SHISA9: variants seen among roughly 807,000 people sequenced by gnomAD.
The protein encoded by SHISA9 is shisa family member 9, also known as protein shisa-9.
Under a neutral mutation model 38.0 loss-of-function variants are expected in SHISA9, and 13 were observed. The ratio of observed to expected loss-of-function variants is 0.34; its 90% CI spans 0.22 to 0.54. SHISA9 has a LOEUF of 0.54. Ranked by LOEUF, SHISA9 falls within the 20% of genes least tolerant of loss-of-function variation. The pLI, the probability that SHISA9 is intolerant of heterozygous loss-of-function variation, is 0.91. For missense variants in SHISA9, 538 were observed against 575.8 expected (o/e 0.93, Z 0.67); for synonymous variants, 275 against 242.0 (o/e 1.14, Z -1.27).
rs375153128 is a variant in SHISA9 at position 13,237,454 on chromosome 16, G to C, written c.*2045G>C. On this transcript the variant is annotated 3_prime_UTR_variant, in exon 5 of 5. Transcript: ENST00000558583. ...GAAGCAGGTGGATCATCTGAGGTCA[G>C]GAGTTTGAGATCAGCCTGGTCAACA... 4 of 152,210 alleles carry C rather than the reference G, an allele frequency of 2.6e-5. No individual in the cohort carries two copies. Among genetic ancestry groups the C allele is most frequent in the African/African-American group, 9.6e-5 (4 of 41,534 alleles). 9.4% of individuals were successfully genotyped at this position (152,210 alleles called of 1,614,324 possible). A position where few individuals can be genotyped will look rare whatever the true frequency, so the allele number is the denominator to read the frequency against.
chr16:13,126,139 C>T (rs1328029930), intron 2 of SHISA9, among the ~76,000 whole-genome samples: 4 of 152,156 alleles, frequency 2.6e-5, no homozygotes, highest in Admixed American at 2.6e-4. Context: ...TGGAGGCTCA[C>T]AAAGATTCGG....
the SHISA9 span, chr16:13,458,840 T>TTTTTGTTTTG: frequency 5.3e-6 from 1 of 187,032 alleles, no homozygotes; most frequent in Non-Finnish European, 1.1e-5. Context: ...TTCTCGGGTT[T>TTTTTGTTTTG]TTTTGTTTTG....
At chr16:13,012,682 G>T (rs1265488167) in intron 2 of SHISA9, among the ~76,000 whole-genome samples, 1 of 152,190 alleles carries the variant, frequency 6.6e-6, no homozygotes, top group Non-Finnish European at 1.5e-5. Context: ...CTTAGTTAGG[G>T]CTGCCTTTAG....
chr16:12,905,507 GT>G (rs2071080612), intron 1 of SHISA9, among the ~76,000 whole-genome samples: 1 of 152,056 alleles, frequency 6.6e-6, no homozygotes, highest in Admixed American at 6.5e-5. Context: ...TTGGTCTTGG[GT>G]TTGGGGATAT....
At chr16:13,249,925 G>T in the SHISA9 span, among the ~76,000 whole-genome samples, 1 of 152,020 alleles carries the variant, frequency 6.6e-6, no homozygotes, top group Non-Finnish European at 1.5e-5. Flanking sequence ...GTAGAGCCAG[G>T]GTTTTGCTAT....
chr16:13,023,624 A>T (rs1489435835), intron 2 of SHISA9, among the ~76,000 whole-genome samples: 1 of 152,204 alleles, frequency 6.6e-6, no homozygotes, highest in Non-Finnish European at 1.5e-5. Context: ...GAACTAATTT[A>T]CACTCCCATC....
chr16:13,018,296 G>A (rs553624782), intron 2 of SHISA9, among the ~76,000 whole-genome samples: 1 of 152,308 alleles, frequency 6.6e-6, no homozygotes, highest in East Asian at 1.9e-4. Flanking sequence ...TAGCAAGAGG[G>A]ATCTGGCCTC....
At chr16:13,556,885 GA>G in the SHISA9 span, among the ~76,000 whole-genome samples, 1 of 152,156 alleles carries the variant, frequency 6.6e-6, no homozygotes, top group Non-Finnish European at 1.5e-5. Flanking sequence ...ATCTAGAGAT[GA>G]TTTAAAGTAT....
At chr16:13,057,729 G>A (rs1263243140) in intron 2 of SHISA9, among the ~76,000 whole-genome samples, 1 of 152,164 alleles carries the variant, frequency 6.6e-6, no homozygotes, top group Non-Finnish European at 1.5e-5. Flanking sequence ...GTGCCATGGT[G>A]GTTTGCTGCA....
chr16:13,382,728 G>A, the SHISA9 span, among the ~76,000 whole-genome samples: 3 of 151,292 alleles, frequency 2.0e-5, no homozygotes, highest in Non-Finnish European at 4.4e-5. Context: ...TGTTGTGGCA[G>A]GCGCCTGTAA....
the SHISA9 span, among the ~76,000 whole-genome samples, chr16:13,401,020 A>G: frequency 6.6e-6 from 1 of 152,150 alleles, no homozygotes; most frequent in Non-Finnish European, 1.5e-5. Context: ...CTGGGCCCTT[A>G]GGGAGTGTGC....
chr16:13,303,523 G>T, the SHISA9 span, among the ~76,000 whole-genome samples: 1 of 152,176 alleles, frequency 6.6e-6, no homozygotes, highest in Non-Finnish European at 1.5e-5. Flanking sequence ...TTCCATTTAT[G>T]AAAAACATCT....
intron 2 of SHISA9, among the ~76,000 whole-genome samples, chr16:13,158,792 C>T (rs1381051040): frequency 2.0e-5 from 3 of 151,738 alleles, no homozygotes; most frequent in African/African-American, 2.4e-5. Flanking sequence ...CATGGTGGCT[C>T]ACGCCTATAA....
the SHISA9 span, among the ~76,000 whole-genome samples, chr16:13,316,334 A>G: frequency 6.6e-6 from 1 of 152,074 alleles, no homozygotes; most frequent in Non-Finnish European, 1.5e-5. Flanking sequence ...CCTTCTGTCT[A>G]GGGGATTCTG....
chr16:13,235,466 A>T lies in SHISA9; in HGVS notation c.*57A>T, dbSNP rs1417372339. The T allele has an allele frequency of 1.4e-6, 2 of 1,475,000 alleles. No individual in the cohort carries two copies. The highest frequency in any genetic ancestry group is 2.5e-5 in the East Asian group (1 of 40,364). The allele number at this position is 1,475,000 out of a possible 1,614,324, so 91.4% of individuals were successfully genotyped here. On this transcript the variant is annotated 3_prime_UTR_variant, in exon 5 of 5. Coordinates refer to ENST00000558583, the MANE Select transcript of SHISA9 (RefSeq NM_001145204.3). ...CACTCAACTGAGAGAGGCAAAAAAC[A>T]ACCCCGCCCACACCCTCCCCATCCT...
the SHISA9 span, among the ~76,000 whole-genome samples, chr16:13,400,496 T>C: frequency 1.4e-5 from 2 of 146,652 alleles, no homozygotes; most frequent in African/African-American, 2.4e-5. Context: ...AAAATCACTG[T>C]TTTTTGCAGA....
chr16:13,371,574 G>A, the SHISA9 span, among the ~76,000 whole-genome samples: 1 of 152,222 alleles, frequency 6.6e-6, no homozygotes, highest in East Asian at 1.9e-4. Flanking sequence ...TGATTCAATG[G>A]TAAGTGAACA....
rs11641423 is a variant in SHISA9 at position 13,053,330 on chromosome 16, T to C, written c.691+136515T>C. On this transcript the variant is annotated intron_variant, in intron 2 of 4. Transcript: ENST00000558583. ...TTGGCATCTCACCTCTGCAATGTAG[T>C]TGACGATCTGATTACTTCCTTTCAT... Among the ~76,000 whole-genome samples the C allele has an allele frequency of 8.2e-3, 1,253 of 152,260 alleles. 6 individuals carry two copies. The highest frequency in any genetic ancestry group is 0.014 in the Non-Finnish European group (947 of 68,008).
chr16:13,017,828 A>G (rs1484972588), intron 2 of SHISA9, among the ~76,000 whole-genome samples: 1 of 152,134 alleles, frequency 6.6e-6, no homozygotes, highest in Non-Finnish European at 1.5e-5. Context: ...CTGGTGATCT[A>G]CTCAAGTCTT....
Sources: gnomAD v4.1 joint callset for allele counts (sites outside exome capture counted in the v4.1 genomes callset) on GRCh38, gnomAD v4.1.1 for gene constraint, MANE v1.5 for transcripts, NCBI Gene and HGNC (gene_info 2026-07-23, HGNC 2026-07-21) for gene names.